NELL2: variants seen among roughly 807,000 people sequenced by gnomAD.
NELL2 encodes neural EGFL like 2, also known as protein kinase C-binding protein NELL2.
NELL2 carries 41 observed loss-of-function variants against 109.6 expected under a neutral mutation model. The observed-to-expected ratio is 0.37, with a 90% confidence interval of 0.29 to 0.49. The LOEUF (loss-of-function observed/expected upper bound fraction) is 0.49, where lower values mean the gene tolerates loss of function less well. Among genes scored for constraint, NELL2 ranks in the 20% least tolerant of loss-of-function variants. NELL2 has a pLI of 0.98. For missense variants in NELL2, 900 were observed against 1,008.3 expected, an observed-to-expected ratio of 0.89 and a Z score of 1.45; for synonymous variants, 355 against 344.7, an observed-to-expected ratio of 1.03 and a Z score of -0.33.
At chr12:44,697,680 A>G (rs1432719534) in intron 12 of NELL2, among the ~76,000 whole-genome samples, 2 of 152,214 alleles carry the variant, frequency 1.3e-5, no homozygotes, top group Non-Finnish European at 2.9e-5. Flanking sequence ...TTATATGCAC[A>G]CAATAAATTC....
chr12:44,568,139 A>C (rs1173965421), intron 15 of NELL2, among the ~76,000 whole-genome samples: 1 of 152,166 alleles, frequency 6.6e-6, no homozygotes, highest in East Asian at 1.9e-4. Context: ...AGGTTGAAAA[A>C]AAGGGACTTG....
chr12:44,827,016 T>C (rs1313518081), intron 2 of NELL2, among the ~76,000 whole-genome samples: 2 of 152,210 alleles, frequency 1.3e-5, no homozygotes, highest in Non-Finnish European at 2.9e-5. Flanking sequence ...TACTGCAACA[T>C]AAACTATAGA....
rs1035620923 is a variant in NELL2, at chr12:44,515,877, T to C, written c.2400+4128A>G. On this transcript the variant is annotated intron_variant, in intron 19 of 19. Coordinates refer to ENST00000429094, the MANE Select transcript of NELL2 (RefSeq NM_001145108.2). ...AACTTTTAATTTTCAGCTACACTTA[T>C]ATTTTTTAATCCTATTACTATTGAT... Among the ~76,000 whole-genome samples, 8 of 151,990 alleles carry C rather than the reference T, an allele frequency of 5.3e-5. No homozygotes were observed. The East Asian group carries it at 5.8e-4, about 11-fold the overall frequency.
chr12:44,574,281 T>A (rs959545579), intron 15 of NELL2, among the ~76,000 whole-genome samples: 1 of 152,102 alleles, frequency 6.6e-6, no homozygotes, highest in African/African-American at 2.4e-5. Context: ...TCTGTTTTAT[T>A]TTTATTATAT....
chr12:44,639,471 A>C (rs1946770669), intron 13 of NELL2, among the ~76,000 whole-genome samples: 2 of 152,116 alleles, frequency 1.3e-5, no homozygotes. Flanking sequence ...ACAAGACCTT[A>C]AGTTCCTTCA....
intron 3 of NELL2, among the ~76,000 whole-genome samples, chr12:44,786,220 A>C (rs2136615613): frequency 6.6e-6 from 1 of 151,932 alleles, no homozygotes; most frequent in Non-Finnish European, 1.5e-5. Context: ...GTGGGCAAAG[A>C]CTAACAGACA....
intron 13 of NELL2, among the ~76,000 whole-genome samples, chr12:44,642,174 T>C (rs1302752565): frequency 2.2e-4 from 33 of 152,302 alleles, no homozygotes; most frequent in South Asian, 1.0e-3. Context: ...GCAGGTGCAA[T>C]GTGCTGCTAG....
chr12:44,681,058 A>AT (rs1184791860), intron 12 of NELL2, among the ~76,000 whole-genome samples: 6 of 150,704 alleles, frequency 4.0e-5, no homozygotes, highest in Non-Finnish European at 8.9e-5. Flanking sequence ...TATTTTATTT[A>AT]TTTTTTTATT....
chr12:44,748,091 A>T (rs1484748451), intron 9 of NELL2, among the ~76,000 whole-genome samples: 1 of 152,142 alleles, frequency 6.6e-6, no homozygotes, highest in African/African-American at 2.4e-5. Flanking sequence ...TCCCCTACAA[A>T]GTGTGGACAG....
intron 13 of NELL2, among the ~76,000 whole-genome samples, chr12:44,656,910 T>C (rs1401778892): frequency 2.0e-5 from 3 of 152,226 alleles, no homozygotes; most frequent in African/African-American, 7.2e-5. Context: ...ATACAAATTT[T>C]TGGGGAAGAA....
At chr12:44,869,397 A>C (rs1365334784) in intron 2 of NELL2, among the ~76,000 whole-genome samples, 1 of 152,122 alleles carries the variant, frequency 6.6e-6, no homozygotes, top group Non-Finnish European at 1.5e-5. Flanking sequence ...TTCTTTTTTC[A>C]TGAAAGGTAG....
At chr12:44,640,120 T>A (rs1273446483) in intron 13 of NELL2, among the ~76,000 whole-genome samples, 1 of 152,198 alleles carries the variant, frequency 6.6e-6, no homozygotes, top group Non-Finnish European at 1.5e-5. Flanking sequence ...TAAAGGCTAA[T>A]GCTCAGTAAA....
chr12:44,595,314 T>G (rs1398821736), intron 15 of NELL2, among the ~76,000 whole-genome samples: 1 of 152,198 alleles, frequency 6.6e-6, no homozygotes, highest in Non-Finnish European at 1.5e-5. Flanking sequence ...AGTGAAAAAG[T>G]AATTTATATT....
At chr12:44,853,611 AC>A (rs1184667988) in intron 2 of NELL2, among the ~76,000 whole-genome samples, 1 of 152,218 alleles carries the variant, frequency 6.6e-6, no homozygotes, top group African/African-American at 2.4e-5. Flanking sequence ...TAGGTATCCT[AC>A]ATAAAAATTC....
intron 13 of NELL2, among the ~76,000 whole-genome samples, chr12:44,657,153 G>C (rs1238927119): frequency 1.3e-5 from 2 of 152,106 alleles, no homozygotes; most frequent in East Asian, 1.9e-4. Flanking sequence ...TTTAAGGCTA[G>C]AAAATCAATA....
chr12:44,671,985 G>A lies in NELL2; in HGVS notation c.1319-6376C>T, dbSNP rs115547160. Among the ~76,000 whole-genome samples the A allele has an allele frequency of 4.9e-3, 743 of 152,254 alleles. 9 individuals are homozygous for A. The highest frequency in any genetic ancestry group is 0.017 in the African/African-American group (713 of 41,524). On this transcript the variant is annotated intron_variant, in intron 12 of 19. Transcript: ENST00000429094. ...GAAACAATTCAGTGAAAACACCCTG[G>A]TTATCAGAGAGAGGAATTATTTTGA...
chr12:44,844,995 T>C, intron 2 of NELL2, among the ~76,000 whole-genome samples: 1 of 152,184 alleles, frequency 6.6e-6, no homozygotes, highest in East Asian at 1.9e-4. Flanking sequence ...ATTTTTTACA[T>C]ACCCTTTTAA....
At chr12:44,765,093 C>T (rs1484691068) in intron 9 of NELL2, among the ~76,000 whole-genome samples, 8 of 152,256 alleles carry the variant, frequency 5.3e-5, no homozygotes, top group Non-Finnish European at 1.2e-4. Context: ...AGCTAAGTGA[C>T]GTGCTCCTGT....
At chr12:44,611,327 C>CTCA (rs1028106357) in intron 13 of NELL2, among the ~76,000 whole-genome samples, 10 of 152,178 alleles carry the variant, frequency 6.6e-5, no homozygotes, top group African/African-American at 2.4e-4. Context: ...TGTCACCTAA[C>CTCA]TCATCTCTGT....
Sources: gnomAD v4.1 joint callset for allele counts (sites outside exome capture counted in the v4.1 genomes callset) on GRCh38, gnomAD v4.1.1 for gene constraint, MANE v1.5 for transcripts, NCBI Gene and HGNC (gene_info 2026-07-23, HGNC 2026-07-21) for gene names.